Variants in ATXN1 observed in about 807,000 individuals in gnomAD.
The protein encoded by ATXN1 is ataxin 1.
ATXN1 carries 8 observed loss-of-function variants against 56.4 expected under a neutral mutation model. The observed-to-expected ratio is 0.14, with a 90% confidence interval of 0.08 to 0.26. The LOEUF is 0.26. ATXN1 is among the 10% of genes least tolerant of loss of function. The probability of loss-of-function intolerance (pLI) is 1.00; values close to 1 mark genes in which losing one functional copy is unlikely to be tolerated. For synonymous variants in ATXN1, 514 were observed against 494.6 expected, an observed-to-expected ratio of 1.04 and a Z score of -0.52; for missense variants, 987 against 1,106.5, an observed-to-expected ratio of 0.89 and a Z score of 1.53.
intron 2 of ATXN1, among the ~76,000 whole-genome samples, chr6:16,691,968 C>G (rs10949375): frequency 0.58 from 87,830 of 152,146 alleles, 26,095 homozygotes; most frequent in Non-Finnish European, 0.65. Flanking sequence ...AGCCTTAGAA[C>G]AAGCCTTAGA....
chr6:16,755,023 G>C (rs1267571274), intron 1 of ATXN1, among the ~76,000 whole-genome samples: 2 of 152,226 alleles, frequency 1.3e-5, no homozygotes, highest in African/African-American at 2.4e-5. Flanking sequence ...TGCTTTTTAT[G>C]AGCTCACCAG....
At chr6:16,573,937 G>A (rs1762376310) in intron 4 of ATXN1, among the ~76,000 whole-genome samples, 1 of 152,142 alleles carries the variant, frequency 6.6e-6, no homozygotes, top group African/African-American at 2.4e-5. Context: ...CCTGACACTG[G>A]CACCCCATTA....
chr6:16,535,665 G>C (rs1202015372), intron 4 of ATXN1, among the ~76,000 whole-genome samples: 1 of 152,196 alleles, frequency 6.6e-6, no homozygotes, highest in Non-Finnish European at 1.5e-5. Context: ...AAGGTAGAGC[G>C]TAACTGCCCA....
intron 5 of ATXN1, among the ~76,000 whole-genome samples, chr6:16,486,882 AT>A (rs1760557758): frequency 6.7e-6 from 1 of 150,346 alleles, no homozygotes. Flanking sequence ...GCTGTCTGCC[AT>A]TTCCGCCCAC....
intron 3 of ATXN1, among the ~76,000 whole-genome samples, chr6:16,639,207 C>T (rs1434312065): frequency 2.0e-5 from 3 of 152,166 alleles, no homozygotes; most frequent in Admixed American, 2.0e-4. Flanking sequence ...CGCTCGGGTC[C>T]CCTTCCACGC....
chr6:16,339,147 T>A (rs1204148006), intron 6 of ATXN1, among the ~76,000 whole-genome samples: 2 of 152,016 alleles, frequency 1.3e-5, no homozygotes, highest in African/African-American at 2.4e-5. Flanking sequence ...GCACACACAC[T>A]CACGAGCTTC....
At chr6:16,700,652 C>T (rs1016886875) in intron 2 of ATXN1, among the ~76,000 whole-genome samples, 3 of 152,136 alleles carry the variant, frequency 2.0e-5, no homozygotes, top group African/African-American at 7.2e-5. Context: ...CCTCCTTTGG[C>T]TTCCTAACCG....
At chr6:16,618,748 T>A (rs1581299294) in intron 3 of ATXN1, among the ~76,000 whole-genome samples, 2 of 144,474 alleles carry the variant, frequency 1.4e-5, no homozygotes, top group Admixed American at 1.4e-4. Context: ...AGGATTCAAC[T>A]GTGGGAAAAA....
chr6:16,480,154 C>CAAAAAAAA (rs60209783), intron 6 of ATXN1, among the ~76,000 whole-genome samples: 3 of 79,102 alleles, frequency 3.8e-5, no homozygotes, highest in African/African-American at 1.1e-4. Context: ...ACTTCATCTG[C>CAAAAAAAA]AAAAAAAAAA....
At chr6:16,585,190 T>C (rs1181156852) in intron 4 of ATXN1, among the ~76,000 whole-genome samples, 2 of 152,070 alleles carry the variant, frequency 1.3e-5, no homozygotes, top group African/African-American at 4.8e-5. Context: ...GAAGCTGCAA[T>C]GAGCCAAAAT....
intron 2 of ATXN1, among the ~76,000 whole-genome samples, chr6:16,663,907 G>A (rs7757085): frequency 0.057 from 8,724 of 152,074 alleles, 516 homozygotes; most frequent in South Asian, 0.15. Context: ...CACAACCAAT[G>A]GAAACTAAAG....
chr6:16,466,317 C>CAAAAAAAA (rs200261208), intron 6 of ATXN1, among the ~76,000 whole-genome samples: 10 of 79,866 alleles, frequency 1.3e-4, no homozygotes, highest in Non-Finnish European at 2.0e-4. Context: ...GACCCCATCT[C>CAAAAAAAA]AAAAAAAAAA....
chr6:16,595,036 C>T (rs1762790607), intron 3 of ATXN1, among the ~76,000 whole-genome samples: 1 of 152,094 alleles, frequency 6.6e-6, no homozygotes, highest in Admixed American at 6.5e-5. Flanking sequence ...CAAAAGTGTC[C>T]AAAAATGCCC....
chr6:16,395,015 T>G (rs929149919), intron 6 of ATXN1, among the ~76,000 whole-genome samples: 1 of 152,106 alleles, frequency 6.6e-6, no homozygotes, highest in Non-Finnish European at 1.5e-5. Context: ...TATGGTTTAA[T>G]AAATTATATT....
intron 2 of ATXN1, among the ~76,000 whole-genome samples, chr6:16,680,253 G>T (rs1017422512): frequency 1.3e-5 from 2 of 151,964 alleles, no homozygotes. Flanking sequence ...TAGAGGGTCA[G>T]GGGTAGACCC....
intron 5 of ATXN1, among the ~76,000 whole-genome samples, chr6:16,521,291 C>T (rs939957958): frequency 2.6e-5 from 4 of 152,188 alleles, no homozygotes; most frequent in South Asian, 2.1e-4. Context: ...GGGCCGGGCG[C>T]GGTGGCTCAC....
intron 2 of ATXN1, among the ~76,000 whole-genome samples, chr6:16,666,005 C>G (rs1758417077): frequency 6.6e-6 from 1 of 152,164 alleles, no homozygotes; most frequent in Non-Finnish European, 1.5e-5. Flanking sequence ...ATTCATTCCT[C>G]TAGTTATTTT....
intron 6 of ATXN1, among the ~76,000 whole-genome samples, chr6:16,466,425 A>C (rs1349081576): frequency 6.6e-6 from 1 of 151,874 alleles, no homozygotes; most frequent in Non-Finnish European, 1.5e-5. Context: ...TCTCTTTCAG[A>C]ATTCTCATCT....
intron 4 of ATXN1, among the ~76,000 whole-genome samples, chr6:16,526,453 T>C (rs531453798): frequency 1.6e-4 from 24 of 152,280 alleles, no homozygotes; most frequent in Admixed American, 1.2e-3. Context: ...CCACAGGGAA[T>C]AGAATCACAC....
Sources: gnomAD v4.1 joint callset for allele counts (sites outside exome capture counted in the v4.1 genomes callset) on GRCh38, gnomAD v4.1.1 for gene constraint, MANE v1.5 for transcripts, NCBI Gene and HGNC (gene_info 2026-07-23, HGNC 2026-07-21) for gene names.